Variants in CNTNAP4 observed in about 807,000 individuals in gnomAD.
The protein encoded by CNTNAP4 is contactin-associated protein-like 4.
In CNTNAP4, 98 loss-of-function variants were observed where a neutral mutation model predicts 148.4. The ratio of observed to expected loss-of-function variants is 0.66; its 90% confidence interval spans 0.56 to 0.78. The LOEUF (loss-of-function observed/expected upper bound fraction) is 0.78, where lower values mean the gene tolerates loss of function less well. Ranked by LOEUF, CNTNAP4 falls within the 30% of genes least tolerant of loss-of-function variation. CNTNAP4 has a pLI of 0.00. For missense variants in CNTNAP4, 1,935 were observed against 1,565.6 expected (o/e 1.24, Z -3.98); for synonymous variants, 730 against 565.1 (o/e 1.29, Z -4.14).
intron 3 of CNTNAP4, among the ~76,000 whole-genome samples, chr16:76,359,164 A>T (rs2013091015): frequency 6.6e-6 from 1 of 152,156 alleles, no homozygotes; most frequent in Non-Finnish European, 1.5e-5. Context: ...CATTTTACAA[A>T]TGTGTATTTC....
At chr16:76,329,737 T>C (rs542228173) in intron 2 of CNTNAP4, among the ~76,000 whole-genome samples, 26 of 152,352 alleles carry the variant, frequency 1.7e-4, no homozygotes, top group African/African-American at 4.8e-4. Flanking sequence ...AAAAGATTGA[T>C]ATATAATTAA....
chr16:76,558,756 A>G lies in CNTNAP4; in HGVS notation c.*73A>G. 2 of 1,143,776 alleles carry G rather than the reference A, an allele frequency of 1.7e-6. No individual in the cohort carries two copies. Among genetic ancestry groups the G allele is most frequent in the East Asian group, 2.6e-5 (1 of 38,970 alleles). The allele number at this position is 1,143,776 out of a possible 1,614,324, so 70.9% of individuals were successfully genotyped here. ...CCAGGGGTTCTCAATGGAAAAACGA[A>G]TGCTCTTACACTGAATGTACAGGCA... On this transcript the variant is annotated 3_prime_UTR_variant, in exon 24 of 24. Transcript: ENST00000611870.
chr16:76,453,472 T>C (rs187291237), intron 8 of CNTNAP4, among the ~76,000 whole-genome samples: 1 of 152,300 alleles, frequency 6.6e-6, no homozygotes, highest in East Asian at 1.9e-4. Flanking sequence ...TTCATTAAAA[T>C]TATAAAGTTC....
chr16:76,336,352 C>A (rs1964023751), intron 2 of CNTNAP4, among the ~76,000 whole-genome samples: 2 of 152,158 alleles, frequency 1.3e-5, no homozygotes, highest in African/African-American at 2.4e-5. Flanking sequence ...CTCTTCCCAG[C>A]TCAGCATTAT....
Position 76,517,891 on chromosome 16 carries a change from T to A in CNTNAP4, c.2366-3249T>A, listed in dbSNP as rs187952917. On this transcript the variant is annotated intron_variant, in intron 15 of 23. Transcript: ENST00000611870. The stretch of plus-strand genomic sequence containing the variant: ...TTGTCTCCATAAGCCTGTTTTTTTT[T>A]AAAAAAGGAATTCTATAAATGTTTA... Among the ~76,000 whole-genome samples the A allele has an allele frequency of 4.9e-3, 742 of 152,092 alleles. 5 individuals are homozygous for A. Among genetic ancestry groups the A allele is most frequent in the Non-Finnish European group, 6.0e-3 (406 of 67,998 alleles).
intron 15 of CNTNAP4, among the ~76,000 whole-genome samples, chr16:76,511,760 T>G (rs1454975988): frequency 6.6e-6 from 1 of 151,978 alleles, no homozygotes; most frequent in Non-Finnish European, 1.5e-5. Flanking sequence ...CTTCCCTCTT[T>G]CCACTTGTGG....
chr16:76,525,034 A>T (rs62048239), intron 17 of CNTNAP4, among the ~76,000 whole-genome samples: 53,547 of 151,762 alleles, frequency 0.35, 9,549 homozygotes, highest in East Asian at 0.42. Context: ...ACACCACATG[A>T]GGGGCTTGGG....
chr16:76,522,291 A>C lies in CNTNAP4; in HGVS notation c.2755+34A>C, dbSNP rs780413101. On this transcript the variant is annotated intron_variant, in intron 17 of 23. Transcript: ENST00000611870. ...TCTTTTTAAGCAATCATTTTATTGT[A>C]TGATATGTGTTCAGAAATGGCCCAA... 3.2e-6 allele frequency: 5 copies of C among 1,569,994 alleles called. No individual in the cohort carries two copies. The South Asian group carries it at 5.6e-5, about 17-fold the overall frequency.
intron 2 of CNTNAP4, among the ~76,000 whole-genome samples, chr16:76,351,881 T>C (rs1488454864): frequency 1.3e-5 from 2 of 152,212 alleles, no homozygotes; most frequent in Non-Finnish European, 2.9e-5. Context: ...ATTGCTGTCA[T>C]GTGTTCGCTT....
At chr16:76,464,785 T>A (rs1168867121) in intron 9 of CNTNAP4, among the ~76,000 whole-genome samples, 2 of 152,202 alleles carry the variant, frequency 1.3e-5, no homozygotes, top group East Asian at 3.9e-4. Flanking sequence ...CTCTTATCCA[T>A]CCATCACTTT....
intron 1 of CNTNAP4, among the ~76,000 whole-genome samples, chr16:76,306,818 A>T (rs1960525333): frequency 6.6e-6 from 1 of 152,228 alleles, no homozygotes; most frequent in African/African-American, 2.4e-5. Context: ...TGTACTTTTT[A>T]AATGTTATGT....
At chr16:76,381,194 C>A (rs191532129) in intron 3 of CNTNAP4, among the ~76,000 whole-genome samples, 1 of 152,250 alleles carries the variant, frequency 6.6e-6, no homozygotes. Context: ...AGATGAGAAT[C>A]TTTCTGTGTG....
intron 1 of CNTNAP4, among the ~76,000 whole-genome samples, chr16:76,316,001 G>A (rs1961696460): frequency 6.6e-6 from 1 of 152,010 alleles, no homozygotes; most frequent in African/African-American, 2.4e-5. Flanking sequence ...CCTTTATTTG[G>A]AATACTAATT....
chr16:76,452,229 T>G (rs1360366371), intron 7 of CNTNAP4, among the ~76,000 whole-genome samples: 1 of 152,218 alleles, frequency 6.6e-6, no homozygotes. Flanking sequence ...ATGTTTTCGT[T>G]TGACCAAGAC....
chr16:76,494,597 G>C (rs1016758512), intron 13 of CNTNAP4, among the ~76,000 whole-genome samples: 1 of 152,056 alleles, frequency 6.6e-6, no homozygotes, highest in East Asian at 1.9e-4. Context: ...TATTTTTAAA[G>C]AAATTGCATA....
At chr16:76,530,184 TATTA>T (rs1055192322) in intron 17 of CNTNAP4, among the ~76,000 whole-genome samples, 23 of 152,282 alleles carry the variant, frequency 1.5e-4, no homozygotes, top group South Asian at 2.1e-4. Context: ...GGACACAAGT[TATTA>T]ATTATAATAT....
At chr16:76,356,121 T>A (rs1261214765) in intron 3 of CNTNAP4, among the ~76,000 whole-genome samples, 2 of 152,010 alleles carry the variant, frequency 1.3e-5, no homozygotes, top group Non-Finnish European at 2.9e-5. Context: ...GCAGTCCACC[T>A]GTCTCGGCGT....
chr16:76,342,881 G>A (rs1228570861), intron 2 of CNTNAP4, among the ~76,000 whole-genome samples: 1 of 152,184 alleles, frequency 6.6e-6, no homozygotes, highest in East Asian at 1.9e-4. Context: ...CGTAATTCAT[G>A]CTAGTAATAG....
chr16:76,306,247 G>T (rs1168997616), intron 1 of CNTNAP4, among the ~76,000 whole-genome samples: 7 of 152,170 alleles, frequency 4.6e-5, no homozygotes, highest in African/African-American at 1.7e-4. Flanking sequence ...GCTTTCTACA[G>T]TGGCTGAACC....
Sources: gnomAD v4.1 joint callset for allele counts (sites outside exome capture counted in the v4.1 genomes callset) on GRCh38, gnomAD v4.1.1 for gene constraint, MANE v1.5 for transcripts, NCBI Gene and HGNC (gene_info 2026-07-23, HGNC 2026-07-21) for gene names.